The following XPR1 variants were observed in gnomAD, a reference collection of about 807,000 sequenced individuals.
XPR1 encodes the protein solute carrier family 53 member 1.
In XPR1, 28 loss-of-function variants were observed where a neutral mutation model predicts 87.5. The observed-to-expected ratio is 0.32, with a 90% CI of 0.24 to 0.44. XPR1 has a LOEUF of 0.44. XPR1 is among the 20% of genes least tolerant of loss of function. XPR1 has a pLI of 1.00. For missense variants in XPR1, 559 were observed against 862.3 expected (o/e 0.65, Z 4.41); for synonymous variants, 300 against 306.1 (o/e 0.98, Z 0.21).
chr1:180,755,333 C>T (rs1268173472), intron 2 of XPR1, among the ~76,000 whole-genome samples: 2 of 152,174 alleles, frequency 1.3e-5, no homozygotes, highest in Admixed American at 1.3e-4. Context: ...AGTTAAGAAG[C>T]AGGTGAAATA....
intron 2 of XPR1, among the ~76,000 whole-genome samples, chr1:180,713,174 T>C (rs1421732069): frequency 6.6e-6 from 1 of 152,082 alleles, no homozygotes; most frequent in African/African-American, 2.4e-5. Flanking sequence ...CTCTCAGCAG[T>C]GTTTTGTAGT....
At chr1:180,883,282 C>T (rs1490030665) in intron 14 of XPR1, among the ~76,000 whole-genome samples, 2 of 151,896 alleles carry the variant, frequency 1.3e-5, no homozygotes, top group African/African-American at 2.4e-5. Context: ...ATGCTTTTTT[C>T]ATCCATGTTC....
intron 2 of XPR1, among the ~76,000 whole-genome samples, chr1:180,687,192 C>G (rs1190011451): frequency 2.0e-5 from 3 of 152,028 alleles, no homozygotes; most frequent in East Asian, 1.9e-4. Context: ...CTGTTTGTAA[C>G]AAAGATACTC....
At chr1:180,633,983 T>C (rs1195840376) in intron 1 of XPR1, among the ~76,000 whole-genome samples, 1 of 152,196 alleles carries the variant, frequency 6.6e-6, no homozygotes, top group Non-Finnish European at 1.5e-5. Context: ...ATTTCGACAC[T>C]TAACTATTTC....
intron 2 of XPR1, among the ~76,000 whole-genome samples, chr1:180,778,660 C>T (rs564976990): frequency 6.6e-6 from 1 of 152,186 alleles, no homozygotes; most frequent in East Asian, 1.9e-4. Flanking sequence ...CAGATATTGC[C>T]AAATGTCCCT....
chr1:180,705,784 T>C (rs751686345), intron 2 of XPR1, among the ~76,000 whole-genome samples: 1 of 152,208 alleles, frequency 6.6e-6, no homozygotes, highest in Non-Finnish European at 1.5e-5. Context: ...GGTTAATAAA[T>C]TTACAGCAAA....
chr1:180,733,040 G>T (rs758139774), intron 2 of XPR1, among the ~76,000 whole-genome samples: 1 of 152,160 alleles, frequency 6.6e-6, no homozygotes. Flanking sequence ...CCGGCGTGCC[G>T]GTGCATGTCG....
intron 9 of XPR1, among the ~76,000 whole-genome samples, chr1:180,830,598 A>G (rs925962407): frequency 6.6e-6 from 1 of 152,228 alleles, no homozygotes; most frequent in South Asian, 2.1e-4. Flanking sequence ...GAATATAACT[A>G]GATAATCAGA....
In XPR1 at chr1:180,836,692, G is replaced by A; in HGVS notation, c.1477G>A (p.Ala493Thr). 1.2e-6 allele frequency: 2 copies of A among 1,613,986 alleles called. No homozygotes were observed. The highest frequency in any genetic ancestry group is 1.1e-5 in the South Asian group (1 of 91,078). ...CACAACTTTCTTCATGGTGACGTTT[G>A]CAGCCCTTTACAGCACTCACAAAGG... The part of the protein sequence containing the change: ...YSTTFFMVTF[A>T]ALYSTHKERG... The change falls in exon 11 of 15, where the codon GCA (alanine) becomes ACA (threonine). Residue 493 changes from alanine (A) to threonine (T), a missense_variant. Physicochemically the swap from Ala to Thr is moderately conservative, Grantham distance 58 (BLOSUM62 0). Coordinates refer to ENST00000367590, the MANE Select transcript of XPR1 (RefSeq NM_004736.4).
In XPR1 at chr1:180,855,803, A is replaced by G. The variant is rs186700982; in HGVS notation, c.1502-7905A>G. Among the ~76,000 whole-genome samples, 99 of 152,268 alleles carry G rather than the reference A, an allele frequency of 6.5e-4. 3 individuals are homozygous for G. Among genetic ancestry groups the G allele is most frequent in the Middle Eastern group, 6.8e-3 (2 of 294 alleles). On this transcript the variant is annotated intron_variant, in intron 11 of 14. Coordinates refer to ENST00000367590, the MANE Select transcript of XPR1 (RefSeq NM_004736.4). ...CTAGCTTAAGAAAATTGAGGCTATC[A>G]GGAATCATTTTCCTTCAGCTACCTT...
intron 12 of XPR1, among the ~76,000 whole-genome samples, chr1:180,873,201 T>C (rs1027899265): frequency 6.6e-6 from 1 of 152,194 alleles, no homozygotes; most frequent in African/African-American, 2.4e-5. Context: ...TAGCTAAAAC[T>C]GGACTGGACT....
At position 180,888,555 on chromosome 1, in the gene XPR1, T is replaced by C. The variant is rs185105775; in HGVS notation, c.*4489T>C. The C allele has an allele frequency of 6.6e-6, 1 of 152,068 alleles. No individual in the cohort carries two copies. Among genetic ancestry groups the C allele is most frequent in the East Asian group, 1.9e-4 (1 of 5,180 alleles). The allele number at this position is 152,068 out of a possible 1,614,324, so 9.4% of individuals were successfully genotyped here. The stretch of plus-strand genomic sequence containing the variant: ...GTCTCTAGTGACCAGGTGAAGACAA[T>C]TGAAGCTTTGGTAGAACTTCTGCAA... On this transcript the variant is annotated 3_prime_UTR_variant, in exon 15 of 15. Transcript: ENST00000367590.
chr1:180,682,232 G>A (rs1656600409), intron 1 of XPR1, 128 bp from the exon 2 acceptor site: 1 of 541,268 alleles, frequency 1.8e-6, no homozygotes, highest in Non-Finnish European at 3.1e-6. Flanking sequence ...AATGTTAATT[G>A]AAGTATTTAT....
chr1:180,697,967 G>A (rs1337729307), intron 2 of XPR1, among the ~76,000 whole-genome samples: 2 of 152,090 alleles, frequency 1.3e-5, no homozygotes, highest in East Asian at 1.9e-4. Context: ...GGTCCATCTA[G>A]TTTAAGTGCA....
intron 7 of XPR1, among the ~76,000 whole-genome samples, chr1:180,818,730 C>T (rs1333039432): frequency 6.6e-6 from 1 of 151,838 alleles, no homozygotes; most frequent in Non-Finnish European, 1.5e-5. Context: ...TTTTTTGATT[C>T]CCTGGAATTT....
chr1:180,784,149 C>T (rs921607605), intron 2 of XPR1, among the ~76,000 whole-genome samples: 3 of 151,970 alleles, frequency 2.0e-5, no homozygotes, highest in East Asian at 3.8e-4. Flanking sequence ...GGATTAAACA[C>T]TGAAAATTTT....
At position 180,639,817 on chromosome 1, in the gene XPR1, C is replaced by G. The variant is rs544092438; in HGVS notation, c.69+7547C>G. ...TTTGAAGATAGCCTGAAAAAAGGTT[C>G]TCTAGTCTTATCAAACATGGAAGAG... On this transcript the variant is annotated intron_variant, in intron 1 of 14. Transcript: ENST00000367590. Among the ~76,000 whole-genome samples, 13 of 152,208 alleles carry G rather than the reference C, an allele frequency of 8.5e-5. No homozygotes were observed. In the East Asian group the frequency reaches 2.5e-3, roughly 29 times the overall value.
At chr1:180,814,402 T>C (rs1337664552) in intron 7 of XPR1, among the ~76,000 whole-genome samples, 3 of 152,178 alleles carry the variant, frequency 2.0e-5, no homozygotes, top group African/African-American at 4.8e-5. Flanking sequence ...ATTTAAAAAC[T>C]CAGATCTATG....
chr1:180,883,697 GAC>G (rs1359471508), intron 14 of XPR1, among the ~76,000 whole-genome samples: 6 of 107,094 alleles, frequency 5.6e-5, no homozygotes, highest in African/African-American at 2.3e-4. Context: ...GACAGAGCGA[GAC>G]TCTGTCTCAA....
Sources: gnomAD v4.1 joint callset for allele counts (sites outside exome capture counted in the v4.1 genomes callset) on GRCh38, gnomAD v4.1.1 for gene constraint, MANE v1.5 for transcripts, NCBI Gene and HGNC (gene_info 2026-07-23, HGNC 2026-07-21) for gene names.